Variants in ARHGAP33 observed in about 807,000 individuals in gnomAD.
ARHGAP33 encodes the protein Rho GTPase activating protein 33.
ARHGAP33 carries 57 observed loss-of-function variants against 126.2 expected under a neutral mutation model. The observed-to-expected ratio is 0.45, with a 90% CI of 0.36 to 0.56. ARHGAP33 has a LOEUF of 0.56. ARHGAP33 is among the 20% of genes least tolerant of loss of function. ARHGAP33 has a pLI of 0.00. For missense variants in ARHGAP33, 1,500 were observed against 1,748.3 expected, an observed-to-expected ratio of 0.86 and a Z score of 2.53; for synonymous variants, 711 against 755.0, an observed-to-expected ratio of 0.94 and a Z score of 0.95.
chr19:35,780,783 C>T lies in ARHGAP33; in HGVS notation c.796C>T (p.Pro266Ser). The T allele has an allele frequency of 1.2e-6, 2 of 1,613,888 alleles. No homozygotes were observed. Among genetic ancestry groups the T allele is most frequent in the Non-Finnish European group, 1.7e-6 (2 of 1,180,000 alleles). The change falls in exon 10 of 21, where the codon CCG becomes TCG. Residue 266 changes from proline (P) to serine (S), a missense_variant. By Grantham distance (74) the Pro-to-Ser change is moderately conservative. Coordinates refer to ENST00000007510, the MANE Select transcript of ARHGAP33 (RefSeq NM_001366178.1). ...TGCCGATGGCCCCCCATGTGGCATC[C>T]CGGCTCCCCAGGGTATCTCGTCTCT... ...ADADGPPCGIPAPQGISSLTS... is the reference protein window; with the variant it reads ...ADADGPPCGISAPQGISSLTS...
intron 6 of ARHGAP33, chr19:35,779,926 G>A (rs1971660427): frequency 1.8e-6 from 1 of 549,722 alleles, no homozygotes; most frequent in African/African-American, 1.9e-5. Context: ...GGATGAAGGT[G>A]CAGAGGTGGA....
Position 35,786,910 on chromosome 19 carries a change from G to T in ARHGAP33, c.2440G>T (p.Gly814Trp). ...CGCTGTCCTAGAACTGCTGGGGGCTGGGGGAGCACCTGCCTCAGCCACCCC... is the reference window on the plus strand; with the variant it reads ...CGCTGTCCTAGAACTGCTGGGGGCTTGGGGAGCACCTGCCTCAGCCACCCC... ...PPAVLELLGA[G>W]GAPASATPTP... The change falls in exon 20 of 21, where the codon GGG becomes TGG. Residue 814 changes from glycine to tryptophan, a missense_variant. Coordinates refer to ENST00000007510, the MANE Select transcript of ARHGAP33 (RefSeq NM_001366178.1). This position sits in a 1 kb window ranked among gnomAD's most constrained non-coding sequence, Gnocchi z 7.0. The T allele has an allele frequency of 1.2e-6, 2 of 1,609,516 alleles. No homozygotes were observed. Among genetic ancestry groups the T allele is most frequent in the East Asian group, 2.2e-5 (1 of 44,828 alleles).
chr19:35,786,579 G>C lies in ARHGAP33; in HGVS notation c.2109G>C (p.Leu703=). 6.5e-7 allele frequency: 1 copy of C among 1,536,040 alleles called. No homozygotes were observed. The highest frequency in any genetic ancestry group is 8.7e-7 in the Non-Finnish European group (1 of 1,146,828). Residue 703 remains leucine, a synonymous_variant, in exon 20 of 21, where the codon CTG becomes CTC. Coordinates refer to ENST00000007510, the MANE Select transcript of ARHGAP33 (RefSeq NM_001366178.1). This position sits in a 1 kb window ranked among gnomAD's most constrained non-coding sequence, Gnocchi z 7.0. ...SSSSESSAAG[L]GALSGSPSHR... is the part of the protein sequence containing the mutation. ...CCTCTGAGTCCTCAGCAGCTGGGCT[G>C]GGGGCACTCTCTGGGTCTCCCTCAC... is the stretch of plus-strand genomic sequence containing the variant.
chr19:35,784,655 C>T (rs1330988614), intron 16 of ARHGAP33: 9 of 1,302,664 alleles, frequency 6.9e-6, no homozygotes, highest in Admixed American at 4.0e-5. Flanking sequence ...CGCCCTGCCC[C>T]GGACCCCAGC....
rs1972221085 is a variant in ARHGAP33, at chr19:35,788,090, G to A, written c.3525G>A (p.Gly1175=). 1.2e-6 allele frequency: 2 copies of A among 1,611,578 alleles called. No homozygotes were observed. Among genetic ancestry groups the A allele is most frequent in the African/African-American group, 1.3e-5 (1 of 74,500 alleles). Residue 1175 remains glycine, a synonymous_variant, in exon 21 of 21, where the codon GGG becomes GGA. Transcript: ENST00000007510. The stretch of plus-strand genomic sequence containing the variant: ...CCCTCTACGTCAACCTAGCTCTAGG[G>A]CCCAGGGGTCCCTCACCTGCCTCTT... ...PEPLYVNLAL[G]PRGPSPASSS... is the part of the protein sequence containing the mutation.
chr19:35,788,077 ACCTAGCTCTAGGG>A lies in ARHGAP33; in HGVS notation c.3515_3527del (p.Leu1172ProfsTer153). The A allele has an allele frequency of 6.2e-7, 1 of 1,608,530 alleles. No individual in the cohort carries two copies. Among genetic ancestry groups the A allele is most frequent in the Non-Finnish European group, 8.5e-7 (1 of 1,178,282 alleles). On this transcript the variant is annotated frameshift_variant, in exon 21 of 21. Coordinates refer to ENST00000007510, the MANE Select transcript of ARHGAP33 (RefSeq NM_001366178.1). LOFTEE classifies it high-confidence loss of function. ...ACACCGCCTGAGCCCCTCTACGTCA[ACCTAGCTCTAGGG>A]CCCAGGGGTCCCTCACCTGCCTCTT... is the stretch of plus-strand genomic sequence containing the variant.
chr19:35,775,844 A>T (rs995310436), intron 1 of ARHGAP33, among the ~76,000 whole-genome samples, 180 bp downstream of exon 1: 8 of 147,702 alleles, frequency 5.4e-5, no homozygotes, highest in Admixed American at 3.4e-4. Flanking sequence ...CCCGCCCCCT[A>T]AGCGCGCATC....
intron 19 of ARHGAP33, chr19:35,785,808 G>A (rs886652609): frequency 8.4e-7 from 1 of 1,194,454 alleles, no homozygotes; most frequent in Non-Finnish European, 1.0e-6. Flanking sequence ...TCCCCTTCGA[G>A]TTCCTCCCCA....
At chr19:35,775,739 C>A in intron 1 of ARHGAP33, 75 bp downstream of exon 1, 1 of 1,405,746 alleles carries the variant, frequency 7.1e-7, no homozygotes, top group Non-Finnish European at 9.5e-7. Flanking sequence ...CCCCGCGCGC[C>A]CCGCCCCCGG....
rs918474257 is a variant in ARHGAP33, at chr19:35,782,176, T to C, written c.1086-197T>C. On this transcript the variant is annotated intron_variant, in intron 12 of 20. Transcript: ENST00000007510. This position sits in a 1 kb window ranked among gnomAD's most constrained non-coding sequence, Gnocchi z 4.1. ...GAGCCTCAGCATCCTCCTCTGTAAA[T>C]GCGGCACCCTTCTCTTTGCCACACA... is the stretch of plus-strand genomic sequence containing the variant. 6.6e-5 allele frequency among the ~76,000 whole-genome samples: 10 copies of C among 152,114 alleles called. No homozygotes were observed. Among genetic ancestry groups the C allele is most frequent in the African/African-American group, 2.4e-4 (10 of 41,406 alleles).
At chr19:35,784,092 C>T in intron 15 of ARHGAP33, 80 bp from the exon 16 acceptor site, 2 of 1,268,810 alleles carry the variant, frequency 1.6e-6, no homozygotes, top group East Asian at 2.5e-5. Flanking sequence ...CACTGCCTCC[C>T]CTGGCTCCCC....
At position 35,778,542 on chromosome 19, in the gene ARHGAP33, C is replaced by T. The variant is rs777911177; in HGVS notation, c.349C>T (p.Arg117Trp). 2 of 1,614,044 alleles carry T rather than the reference C, an allele frequency of 1.2e-6. No individual in the cohort carries two copies. The highest frequency in any genetic ancestry group is 1.7e-6 in the Non-Finnish European group (2 of 1,180,026). The change falls in exon 5 of 21, where the codon CGG (arginine) becomes TGG (tryptophan). Residue 117 changes from arginine to tryptophan, a missense_variant. Around this residue, in one of 6 missense-constraint regions of ARHGAP33, gnomAD observed 75 missense variants for 152.7 expected, o/e 0.49. Transcript: ENST00000007510. ...CCACCTCCACCGGTGCATATTTGAC[C>T]GGAGGTTCTCCTGCCTTCCGGAGCT... is the stretch of plus-strand genomic sequence containing the variant. ...DAHLHRCIFD[R>W]RFSCLPELPP...
At chr19:35,784,435 G>C in intron 16 of ARHGAP33, 118 bp downstream of exon 16, 9 of 1,427,778 alleles carry the variant, frequency 6.3e-6, no homozygotes, top group Non-Finnish European at 8.2e-6. Context: ...CCTCCCTCCG[G>C]CTCCTTGAGG....
chr19:35,786,486 T>C lies in ARHGAP33; in HGVS notation c.2016T>C (p.Ala672=). 1 of 1,535,900 alleles carries C rather than the reference T, an allele frequency of 6.5e-7. No individual in the cohort carries two copies. The highest frequency in any genetic ancestry group is 2.0e-5 in the Admixed American group (1 of 50,978). The change falls in exon 20 of 21, where the codon GCT becomes GCC. Residue 672 remains alanine, a synonymous_variant. Transcript: ENST00000007510. This position sits in a 1 kb window ranked among gnomAD's most constrained non-coding sequence, Gnocchi z 7.0. The part of the protein sequence containing the change: ...SDAFPVGPAP[A]GSCESLSSSS... ...CTTTCCCTGTGGGCCCAGCACCTGC[T>C]GGCTCCTGCGAGAGCCTGTCCTCGT...
intron 6 of ARHGAP33, among the ~76,000 whole-genome samples, chr19:35,779,488 T>C (rs895523382): frequency 3.9e-5 from 6 of 152,130 alleles, no homozygotes; most frequent in Admixed American, 3.9e-4. Flanking sequence ...TGGAGTGCAG[T>C]GGCATGATCT....
Position 35,781,159 on chromosome 19 carries a change from TGCTGCGCTGCTGCTCC to T in ARHGAP33, c.994_1009del (p.Leu332SerfsTer108). The stretch of plus-strand genomic sequence containing the variant: ...CCTTGCTTTCTCCCAGTGCCCCAGG[TGCTGCGCTGCTGCTCC>T]GAGTTCATTGAGGCCCACGGGGTGG... On this transcript the variant is annotated frameshift_variant, in exon 12 of 21. Transcript: ENST00000007510. LOFTEE classifies it high-confidence loss of function. 6.3e-7 allele frequency: 1 copy of T among 1,596,378 alleles called. No individual in the cohort carries two copies. The highest frequency in any genetic ancestry group is 1.1e-5 in the South Asian group (1 of 90,456).
Position 35,778,591 on chromosome 19 carries a change from G to C in ARHGAP33, c.398G>C (p.Arg133Thr). Reference sequence around the variant, plus strand: ...CTTCCCCCGCCCCCCGAGGGTGCCAGGGCTGCCCAGGTAACCTGCTTGTTG... The same window carrying C: ...CTTCCCCCGCCCCCCGAGGGTGCCACGGCTGCCCAGGTAACCTGCTTGTTG... ...PELPPPPEGA[R>T]AAQMLVPLLL... Residue 133 changes from arginine (R) to threonine (T), a missense_variant, in exon 5 of 21, where the codon AGG (arginine) becomes ACG (threonine). Coordinates refer to ENST00000007510, the MANE Select transcript of ARHGAP33 (RefSeq NM_001366178.1). 6.2e-7 allele frequency: 1 copy of C among 1,613,412 alleles called. No homozygotes were observed. Among genetic ancestry groups the C allele is most frequent in the Non-Finnish European group, 8.5e-7 (1 of 1,179,744 alleles).
At position 35,786,478 on chromosome 19, in the gene ARHGAP33, G is replaced by T; in HGVS notation, c.2008G>T (p.Ala670Ser). Residue 670 changes from alanine to serine, a missense_variant, in exon 20 of 21, where the codon GCA becomes TCA. Coordinates refer to ENST00000007510, the MANE Select transcript of ARHGAP33 (RefSeq NM_001366178.1). The surrounding 1 kb of genome is among the most constrained non-coding windows in gnomAD (Gnocchi z 7.0). Reference sequence around the variant, plus strand: ...CAGCGACGCTTTCCCTGTGGGCCCAGCACCTGCTGGCTCCTGCGAGAGCCT... The same window carrying T: ...CAGCGACGCTTTCCCTGTGGGCCCATCACCTGCTGGCTCCTGCGAGAGCCT... ...SSSDAFPVGP[A>S]PAGSCESLSS... 1 of 1,535,884 alleles carries T rather than the reference G, an allele frequency of 6.5e-7. No individual in the cohort carries two copies. The highest frequency in any genetic ancestry group is 1.2e-5 in the South Asian group (1 of 84,064).
At chr19:35,777,590 C>T in intron 1 of ARHGAP33, 55 bp from the exon 2 acceptor site, 1 of 1,434,994 alleles carries the variant, frequency 7.0e-7, no homozygotes, top group Non-Finnish European at 9.6e-7. Context: ...TAACAATGCT[C>T]TCGTTGTCTC....
Sources: allele counts gnomAD v4.1 joint callset (sites outside exome capture counted in the v4.1 genomes callset), GRCh38; gene constraint gnomAD v4.1.1; regional missense constraint gnomAD v4.1.1; non-coding constraint Gnocchi (gnomAD v3.1); transcripts MANE v1.5; gene names NCBI Gene and HGNC (gene_info 2026-07-23, HGNC 2026-07-21).